The following PDE1A variants were observed in gnomAD, a reference collection of about 807,000 sequenced individuals.
The protein encoded by PDE1A is phosphodiesterase 1A, also known as dual specificity calcium/calmodulin-dependent 3',5'-cyclic nucleotide phosphodiesterase 1A.
PDE1A carries 35 observed loss-of-function variants against 61.7 expected under a neutral mutation model. That is an observed-to-expected ratio of 0.57 (90% CI 0.43 to 0.75). The LOEUF is 0.75. Among genes scored for constraint, PDE1A ranks in the 30% least tolerant of loss-of-function variants. PDE1A has a pLI of 0.00. For synonymous variants in PDE1A, 232 were observed against 213.2 expected (o/e 1.09, Z -0.77); for missense variants, 597 against 630.6 (o/e 0.95, Z 0.57).
At chr2:182,618,437 CTT>C in the PDE1A span, among the ~76,000 whole-genome samples, 2 of 152,006 alleles carry the variant, frequency 1.3e-5, no homozygotes, top group Admixed American at 6.6e-5. Flanking sequence ...GTTATAGTAT[CTT>C]TTGGTTCAAA....
chr2:182,449,649 C>T (rs1685383275), intron 2 of PDE1A, among the ~76,000 whole-genome samples: 1 of 152,016 alleles, frequency 6.6e-6, no homozygotes, highest in Non-Finnish European at 1.5e-5. Context: ...GCATTTTTAC[C>T]TTTATTTCTA....
chr2:182,202,036 G>A (rs1210125259), intron 8 of PDE1A, among the ~76,000 whole-genome samples: 1 of 152,154 alleles, frequency 6.6e-6, no homozygotes, highest in Non-Finnish European at 1.5e-5. Context: ...AAGAGCTAGT[G>A]CTTTCCCTTC....
chr2:182,400,104 G>A (rs1701917916), intron 1 of PDE1A, among the ~76,000 whole-genome samples: 1 of 152,046 alleles, frequency 6.6e-6, no homozygotes, highest in African/African-American at 2.4e-5. Context: ...TACTATTGAA[G>A]ATTAAGATTT....
intron 6 of PDE1A, 26 bp downstream of exon 6, chr2:182,229,980 A>C (rs760156410): frequency 6.3e-7 from 1 of 1,588,182 alleles, no homozygotes; most frequent in Non-Finnish European, 8.6e-7. Context: ...CAAACTAACA[A>C]ACCTCAGTTA....
downstream of PDE1A, among the ~76,000 whole-genome samples, chr2:182,146,544 G>A (rs1690505527): frequency 6.6e-6 from 1 of 152,034 alleles, no homozygotes; most frequent in Non-Finnish European, 1.5e-5. Context: ...GTAGTATAGT[G>A]GCCTGATCTC....
intron 13 of PDE1A, among the ~76,000 whole-genome samples, chr2:182,178,923 G>A (rs1244529363): frequency 6.6e-6 from 1 of 152,084 alleles, no homozygotes; most frequent in Non-Finnish European, 1.5e-5. Context: ...GGAAAGATGA[G>A]AGAGAGGCCA....
the PDE1A span, among the ~76,000 whole-genome samples, chr2:182,697,700 C>A: frequency 1.9e-4 from 29 of 152,328 alleles, no homozygotes; most frequent in African/African-American, 5.8e-4. Flanking sequence ...TTGTCAACCC[C>A]AGCTTCTCTG....
At chr2:182,686,957 T>C in the PDE1A span, among the ~76,000 whole-genome samples, 1 of 152,270 alleles carries the variant, frequency 6.6e-6, no homozygotes, top group East Asian at 1.9e-4. Context: ...GAGATCAAAC[T>C]TCAAGGCGGC....
chr2:182,453,719 C>G (rs956132552), intron 2 of PDE1A, among the ~76,000 whole-genome samples: 5 of 152,080 alleles, frequency 3.3e-5, no homozygotes, highest in African/African-American at 9.7e-5. Flanking sequence ...ATTCAACAAC[C>G]CTTCATGCTA....
At chr2:182,498,517 A>C (rs948140440) in intron 2 of PDE1A, among the ~76,000 whole-genome samples, 1 of 152,086 alleles carries the variant, frequency 6.6e-6, no homozygotes. Context: ...TAAAAATCCC[A>C]GAAAGAAAAA....
chr2:182,367,626 AT>A (rs1165917431), intron 1 of PDE1A, among the ~76,000 whole-genome samples: 1 of 152,098 alleles, frequency 6.6e-6, no homozygotes, highest in Non-Finnish European at 1.5e-5. Context: ...AGCAAAGCCA[AT>A]TCAAGCATGA....
At chr2:182,561,990 T>C in the PDE1A span, among the ~76,000 whole-genome samples, 2 of 151,964 alleles carry the variant, frequency 1.3e-5, no homozygotes, top group Non-Finnish European at 2.9e-5. Context: ...TATACAATCA[T>C]GTCGTCTGCA....
At chr2:182,709,720 G>C in the PDE1A span, among the ~76,000 whole-genome samples, 6 of 152,208 alleles carry the variant, frequency 3.9e-5, no homozygotes, top group Non-Finnish European at 8.8e-5. Flanking sequence ...ATATCATGGT[G>C]CTGTTGTATT....
intron 1 of PDE1A, among the ~76,000 whole-genome samples, chr2:182,351,805 C>T (rs1013073852): frequency 2.0e-5 from 3 of 152,114 alleles, no homozygotes; most frequent in African/African-American, 7.2e-5. Flanking sequence ...TTTAAGGCAA[C>T]GGATCTGAAC....
intron 2 of PDE1A, among the ~76,000 whole-genome samples, chr2:182,441,852 T>C (rs545951439): frequency 2.6e-5 from 4 of 152,196 alleles, no homozygotes; most frequent in African/African-American, 9.6e-5. Context: ...ATGATAGCAA[T>C]GTTTTATGTC....
intron 1 of PDE1A, among the ~76,000 whole-genome samples, chr2:182,400,388 A>G (rs1422292020): frequency 6.6e-6 from 1 of 152,222 alleles, no homozygotes; most frequent in East Asian, 1.9e-4. Flanking sequence ...CTCCATTTAC[A>G]TTACAATAAT....
At chr2:182,585,489 T>C in the PDE1A span, among the ~76,000 whole-genome samples, 1 of 152,182 alleles carries the variant, frequency 6.6e-6, no homozygotes, top group African/African-American at 2.4e-5. Flanking sequence ...TTGAGCACTT[T>C]TATTTCCTCA....
At chr2:182,671,627 T>C in the PDE1A span, among the ~76,000 whole-genome samples, 3 of 146,710 alleles carry the variant, frequency 2.0e-5, no homozygotes, top group East Asian at 2.0e-4. Context: ...TTTTCTTTTT[T>C]TTTTTTTTTT....
chr2:182,503,167 T>C (rs72886952), intron 2 of PDE1A, among the ~76,000 whole-genome samples: 1 of 151,992 alleles, frequency 6.6e-6, no homozygotes, highest in Non-Finnish European at 1.5e-5. Flanking sequence ...ATCTCAAATA[T>C]GTCCCAAATC....
Sources: allele counts gnomAD v4.1 joint callset (sites outside exome capture counted in the v4.1 genomes callset), GRCh38; gene constraint gnomAD v4.1.1; transcripts MANE v1.5; gene names NCBI Gene and HGNC (gene_info 2026-07-23, HGNC 2026-07-21).